The following SLC33A1 variants were observed in gnomAD, a reference collection of about 807,000 sequenced individuals.
The protein encoded by SLC33A1 is acetyl-coenzyme A transporter 1.
Under a neutral mutation model 50.0 loss-of-function variants are expected in SLC33A1, and 20 were observed. That is an observed-to-expected ratio of 0.40 (90% CI 0.28 to 0.58). The LOEUF (loss-of-function observed/expected upper bound fraction) is 0.58. Ranked by LOEUF, SLC33A1 falls within the 20% of genes least tolerant of loss-of-function variation. The pLI is 0.44. For missense variants in SLC33A1, 476 were observed against 657.0 expected (o/e 0.72, Z 3.01); for synonymous variants, 265 against 251.8 (o/e 1.05, Z -0.50).
intron 5 of SLC33A1, among the ~76,000 whole-genome samples, chr3:155,829,224 A>G (rs1560011111): frequency 6.6e-6 from 1 of 152,284 alleles, no homozygotes; most frequent in East Asian, 1.9e-4. Flanking sequence ...TTCACGATGC[A>G]GCTTTCACAT....
In SLC33A1 at chr3:155,823,073, A is replaced by C. The variant is rs775865501; in HGVS notation, c.*5137T>G. 8 of 152,200 alleles carry C rather than the reference A, an allele frequency of 5.3e-5. No homozygotes were observed. Among genetic ancestry groups the C allele is most frequent in the Non-Finnish European group, 1.0e-4 (7 of 68,034 alleles). 9.4% of individuals were successfully genotyped at this position (152,200 alleles called of 1,614,324 possible). ...CCATTCTCCTTCCCCAAAATAAACA[A>C]GGCTCCTTAAAGGCAATCTTTATAA... On this transcript the variant is annotated 3_prime_UTR_variant, in exon 6 of 6. Coordinates refer to ENST00000643144, the MANE Select transcript of SLC33A1 (RefSeq NM_004733.4).
At chr3:155,851,145 G>A (rs1753383222) in intron 1 of SLC33A1, among the ~76,000 whole-genome samples, 1 of 151,844 alleles carries the variant, frequency 6.6e-6, no homozygotes. Flanking sequence ...GGAGGCTGAG[G>A]CAGGAGAATG....
chr3:155,831,131 G>A (rs1292686555), intron 4 of SLC33A1, among the ~76,000 whole-genome samples: 1 of 152,082 alleles, frequency 6.6e-6, no homozygotes, highest in Non-Finnish European at 1.5e-5. Context: ...TACTCAGAAT[G>A]GTTTCTGGCA....
At position 155,833,524 on chromosome 3, in the gene SLC33A1, C is replaced by T. The variant is rs746086856; in HGVS notation, c.1210G>A (p.Gly404Arg). 1 of 1,604,722 alleles carries T rather than the reference C, an allele frequency of 6.2e-7. No individual in the cohort carries two copies. Among genetic ancestry groups the T allele is most frequent in the Non-Finnish European group, 8.5e-7 (1 of 1,171,614 alleles). The change falls in exon 4 of 6, where the codon GGG (glycine) becomes AGG (arginine). Residue 404 changes from glycine to arginine, a missense_variant. Coordinates refer to ENST00000643144, the MANE Select transcript of SLC33A1 (RefSeq NM_004733.4). Reference protein sequence around the residue: ...VWWTPKVEHQGGFPIYYYIVV... With the variant: ...VWWTPKVEHQRGFPIYYYIVV... ...ATATAGTAATATATAGGGAATCCCC[C>T]TTGATGTTCTACTTTAGGAGTCCAC... is the stretch of plus-strand genomic sequence containing the variant.
In SLC33A1 at chr3:155,833,486, C is replaced by G; in HGVS notation, c.1248G>C (p.Leu416=). 6.4e-7 allele frequency: 1 copy of G among 1,558,568 alleles called. No individual in the cohort carries two copies. Among genetic ancestry groups the G allele is most frequent in the Non-Finnish European group, 8.9e-7 (1 of 1,129,430 alleles). The change falls in exon 4 of 6, where the codon CTG becomes CTC. Residue 416 remains leucine (L), a synonymous_variant. Transcript: ENST00000643144. ...FPIYYYIVVL[L]SYALHQVTVY... is the part of the protein sequence containing the mutation. ...AGCTTACCTGATGTAAAGCATAACT[C>G]AGCAGGACTACGATATAGTAATATA...
intron 2 of SLC33A1, 117 bp from the exon 3 acceptor site, chr3:155,834,158 T>C (rs1219080466): frequency 1.3e-6 from 1 of 742,242 alleles, no homozygotes; most frequent in East Asian, 2.7e-5. Context: ...CAGTTACAAG[T>C]GAGCATCATA....
At position 155,842,510 on chromosome 3, in the gene SLC33A1, T is replaced by C. The variant is rs1340324773; in HGVS notation, c.885A>G (p.Thr295=). ...TTGCAAAAAGCAGCTTGTAAGTATCTGTGATCCCTTGTGTTTCTTCTTTTA... is the reference window on the plus strand; with the variant it reads ...TTGCAAAAAGCAGCTTGTAAGTATCCGTGATCCCTTGTGTTTCTTCTTTTA... ...SVVKEETQGI[T]DTYKLLFAII... Residue 295 remains threonine (T), a synonymous_variant, in exon 2 of 6, where the codon ACA becomes ACG. Transcript: ENST00000643144. 1.9e-6 allele frequency: 3 copies of C among 1,611,180 alleles called. No homozygotes were observed. The highest frequency in any genetic ancestry group is 1.7e-6 in the Non-Finnish European group (2 of 1,177,982).
At position 155,829,774 on chromosome 3, in the gene SLC33A1, C is replaced by G. The variant is rs769973927; in HGVS notation, c.1396G>C (p.Val466Leu). 2 of 1,614,026 alleles carry G rather than the reference C, an allele frequency of 1.2e-6. No individual in the cohort carries two copies. Among genetic ancestry groups the G allele is most frequent in the Non-Finnish European group, 1.7e-6 (2 of 1,179,914 alleles). Residue 466 changes from valine to leucine, a missense_variant, in exon 5 of 6, where the codon GTA becomes CTA. By Grantham distance (32) the Val-to-Leu change is conservative. Transcript: ENST00000643144. ...SNLGGNWPST[V>L]ALWLVDPLTV... ...AGGGGATCTACAAGCCAAAGAGCTA[C>G]TGTAGAAGGCCAGTTTCCTCCCAGA... is the stretch of plus-strand genomic sequence containing the variant.
chr3:155,833,967 G>A lies in SLC33A1; in HGVS notation c.1038C>T (p.Ala346=), dbSNP rs759587119. 5 of 1,613,692 alleles carry A rather than the reference G, an allele frequency of 3.1e-6. No individual in the cohort carries two copies. Among genetic ancestry groups the A allele is most frequent in the East Asian group, 2.2e-5 (1 of 44,870 alleles). ...AAGGAACCATTGGAACTGCCAATAA[G>A]GCTAAATGTTCTTTGGGTACTCCCT... ...VEEGVPKEHL[A]LLAVPMVPLQ... is the part of the protein sequence containing the mutation. The change falls in exon 3 of 6, where the codon GCC becomes GCT. Residue 346 remains alanine, a synonymous_variant. Transcript: ENST00000643144.
At chr3:155,831,572 C>A (rs925045895) in intron 4 of SLC33A1, among the ~76,000 whole-genome samples, 1 of 147,744 alleles carries the variant, frequency 6.8e-6, no homozygotes, top group East Asian at 2.0e-4. Flanking sequence ...GGTCTTGTAC[C>A]TTTTTTCCCC....
chr3:155,842,999 TA>T (rs397875293), intron 1 of SLC33A1: 17,188 of 97,886 alleles, frequency 0.18, 2,334 homozygotes, highest in African/African-American at 0.42. Flanking sequence ...AGACCTTGTC[TA>T]AAAAAAAAAA....
At chr3:155,833,001 C>G (rs1752505826) in intron 4 of SLC33A1, among the ~76,000 whole-genome samples, 1 of 151,900 alleles carries the variant, frequency 6.6e-6, no homozygotes, top group Admixed American at 6.6e-5. Flanking sequence ...CCTGCATTCC[C>G]AGCATTTTGG....
intron 5 of SLC33A1, among the ~76,000 whole-genome samples, chr3:155,829,371 T>C (rs1313216608): frequency 6.6e-6 from 1 of 152,208 alleles, no homozygotes; most frequent in African/African-American, 2.4e-5. Context: ...ACATTCCCTT[T>C]TTCTATCACT....
Position 155,854,023 on chromosome 3 carries a change from T to C in SLC33A1, c.-26A>G. ...ATCAGAGACGATGCAGAGCCCCGTCTGTGGGGGGCCGAGGCTGAGCGTTTT... is the reference window on the plus strand; with the variant it reads ...ATCAGAGACGATGCAGAGCCCCGTCCGTGGGGGGCCGAGGCTGAGCGTTTT... On this transcript the variant is annotated 5_prime_UTR_variant, in exon 1 of 6. Coordinates refer to ENST00000643144, the MANE Select transcript of SLC33A1 (RefSeq NM_004733.4). The C allele has an allele frequency of 6.6e-7, 1 of 1,525,834 alleles. No homozygotes were observed. The highest frequency in any genetic ancestry group is 8.8e-7 in the Non-Finnish European group (1 of 1,140,924). The allele number at this position is 1,525,834 out of a possible 1,614,324, so 94.5% of individuals were successfully genotyped here.
At chr3:155,830,887 T>G (rs1045838366) in intron 4 of SLC33A1, among the ~76,000 whole-genome samples, 8 of 152,150 alleles carry the variant, frequency 5.3e-5, no homozygotes, top group African/African-American at 1.9e-4. Context: ...AAGGCAAGAA[T>G]TAACCTTTAA....
intron 1 of SLC33A1, among the ~76,000 whole-genome samples, chr3:155,850,914 C>G (rs1753372536): frequency 6.6e-6 from 1 of 151,184 alleles, no homozygotes; most frequent in African/African-American, 2.4e-5. Flanking sequence ...ACTGCACCAG[C>G]CTTGACTTCT....
intron 1 of SLC33A1, 110 bp downstream of exon 1, chr3:155,853,113 G>A (rs1303388923): frequency 1.1e-5 from 11 of 1,011,834 alleles, no homozygotes; most frequent in Non-Finnish European, 1.7e-5. Context: ...CTTACCTTGA[G>A]TTATCTCCCA....
rs962802790 is a variant in SLC33A1 at position 155,823,334 on chromosome 3, T to C, written c.*4876A>G. On this transcript the variant is annotated 3_prime_UTR_variant, in exon 6 of 6. Coordinates refer to ENST00000643144, the MANE Select transcript of SLC33A1 (RefSeq NM_004733.4). ...TCTCAGTCCCAAACCAAATGGTGAT[T>C]ACATAAAAAATTTGGCATTGTCAAA... 1 of 152,118 alleles carries C rather than the reference T, an allele frequency of 6.6e-6. No individual in the cohort carries two copies. Among genetic ancestry groups the C allele is most frequent in the African/African-American group, 2.4e-5 (1 of 41,438 alleles). 9.4% of individuals were successfully genotyped at this position (152,118 alleles called of 1,614,324 possible). A position where few individuals can be genotyped will look rare whatever the true frequency, so the allele number is the denominator to read the frequency against.
chr3:155,842,690 T>C lies in SLC33A1; in HGVS notation c.776-71A>G, dbSNP rs897914439. 4.2e-5 allele frequency: 34 copies of C among 817,914 alleles called. No individual in the cohort carries two copies. In the African/African-American group the frequency reaches 5.7e-4, roughly 14 times the overall value. The allele number at this position is 817,914 out of a possible 1,614,324, so 50.7% of individuals were successfully genotyped here. A position where few individuals can be genotyped will look rare whatever the true frequency, so the allele number is the denominator to read the frequency against. ...TTCATTGATACTAAATAATTCTATA[T>C]ACAATAACTTTCAATTAAAATGTTA... On this transcript the variant is annotated intron_variant, in intron 1 of 5. Coordinates refer to ENST00000643144, the MANE Select transcript of SLC33A1 (RefSeq NM_004733.4).
Sources: gnomAD v4.1 joint callset for allele counts (sites outside exome capture counted in the v4.1 genomes callset) on GRCh38, gnomAD v4.1.1 for gene constraint, MANE v1.5 for transcripts, NCBI Gene and HGNC (gene_info 2026-07-23, HGNC 2026-07-21) for gene names.